CNTN5: variants seen among roughly 807,000 people sequenced by gnomAD.
The protein encoded by CNTN5 is contactin-5.
Under a neutral mutation model 129.1 loss-of-function variants are expected in CNTN5, and 77 were observed. The ratio of observed to expected loss-of-function variants is 0.60; its 90% CI spans 0.50 to 0.72. The LOEUF (loss-of-function observed/expected upper bound fraction) is 0.72, where lower values mean the gene tolerates loss of function less well. Ranked by LOEUF, CNTN5 falls within the 30% of genes least tolerant of loss-of-function variation. The probability of loss-of-function intolerance (pLI) is 0.00; values close to 1 mark genes in which losing one functional copy is unlikely to be tolerated. For missense variants in CNTN5, 1,478 were observed against 1,328.8 expected (o/e 1.11, Z -1.75); for synonymous variants, 509 against 465.6 (o/e 1.09, Z -1.20).
chr11:99,092,639 G>A (rs1261068914), intron 1 of CNTN5, among the ~76,000 whole-genome samples: 1 of 151,934 alleles, frequency 6.6e-6, no homozygotes, highest in East Asian at 1.9e-4. Flanking sequence ...TATGATTTAA[G>A]TATAGAATAC....
At chr11:99,786,935 C>G (rs911309335) in intron 3 of CNTN5, among the ~76,000 whole-genome samples, 1 of 152,110 alleles carries the variant, frequency 6.6e-6, no homozygotes, top group Non-Finnish European at 1.5e-5. Context: ...AATCGATACG[C>G]TATTTGCTAG....
chr11:99,611,261 C>T (rs190868950), intron 3 of CNTN5, among the ~76,000 whole-genome samples: 1 of 152,104 alleles, frequency 6.6e-6, no homozygotes, highest in African/African-American at 2.4e-5. Flanking sequence ...GAATACTCAG[C>T]TACAGCATAG....
chr11:99,308,616 C>A (rs1165163383), intron 1 of CNTN5, among the ~76,000 whole-genome samples: 4 of 152,140 alleles, frequency 2.6e-5, no homozygotes, highest in African/African-American at 4.8e-5. Flanking sequence ...ATTAATAATT[C>A]TCCCAAAAGG....
chr11:99,182,270 A>T (rs974905300), intron 1 of CNTN5, among the ~76,000 whole-genome samples: 4 of 152,200 alleles, frequency 2.6e-5, no homozygotes, highest in Non-Finnish European at 4.4e-5. Flanking sequence ...TAGAGTGTCA[A>T]ATTGAAGTAA....
intron 1 of CNTN5, among the ~76,000 whole-genome samples, chr11:99,078,041 A>T (rs751389878): frequency 6.6e-6 from 1 of 152,174 alleles, no homozygotes; most frequent in Non-Finnish European, 1.5e-5. Context: ...TTTTCATCCT[A>T]TCTTTGCTAA....
chr11:99,773,968 C>G (rs568780543), intron 3 of CNTN5, among the ~76,000 whole-genome samples: 36 of 152,184 alleles, frequency 2.4e-4, no homozygotes, highest in Non-Finnish European at 4.7e-4. Context: ...CTGCTGAATA[C>G]AATTTTCACC....
intron 1 of CNTN5, among the ~76,000 whole-genome samples, chr11:99,086,417 C>G (rs1259478283): frequency 1.3e-5 from 2 of 152,296 alleles, no homozygotes; most frequent in East Asian, 3.9e-4. Context: ...CGCCAGCATC[C>G]ACCTCTGGTG....
At chr11:99,892,247 T>C (rs946644053) in intron 6 of CNTN5, among the ~76,000 whole-genome samples, 4 of 152,200 alleles carry the variant, frequency 2.6e-5, no homozygotes, top group African/African-American at 9.7e-5. Flanking sequence ...GAAGGATAGA[T>C]TGCAAAAATT....
chr11:99,952,004 A>G (rs371830865), intron 7 of CNTN5, among the ~76,000 whole-genome samples: 16 of 152,190 alleles, frequency 1.1e-4, no homozygotes, highest in East Asian at 9.6e-4. Context: ...TAAAGGTATG[A>G]TGGTGAAGAA....
At chr11:99,370,218 A>C in intron 2 of CNTN5, among the ~76,000 whole-genome samples, 1 of 152,212 alleles carries the variant, frequency 6.6e-6, no homozygotes, top group Non-Finnish European at 1.5e-5. Flanking sequence ...TGGAATTGAG[A>C]AGGCTTGGTA....
intron 3 of CNTN5, among the ~76,000 whole-genome samples, chr11:99,576,151 G>A (rs769121920): frequency 3.9e-5 from 6 of 152,166 alleles, no homozygotes; most frequent in Admixed American, 6.5e-5. Context: ...GAAGCACCAC[G>A]GCAAGCCTGA....
At chr11:99,784,901 G>A (rs1008099944) in intron 3 of CNTN5, among the ~76,000 whole-genome samples, 19 of 144,154 alleles carry the variant, frequency 1.3e-4, no homozygotes, top group Middle Eastern at 3.6e-3. Flanking sequence ...CCAGGTTCAC[G>A]CCATTCTTCT....
intron 2 of CNTN5, among the ~76,000 whole-genome samples, chr11:99,473,261 T>C (rs963369665): frequency 2.0e-5 from 3 of 152,162 alleles, no homozygotes; most frequent in African/African-American, 7.2e-5. Context: ...TTAGGATGGA[T>C]TTTCTTTCCT....
At chr11:99,301,792 A>G (rs1320102268) in intron 1 of CNTN5, among the ~76,000 whole-genome samples, 1 of 151,758 alleles carries the variant, frequency 6.6e-6, no homozygotes, top group African/African-American at 2.4e-5. Flanking sequence ...CACTCTTCTT[A>G]ATGTACATGA....
At chr11:99,043,154 G>A (rs948138819) in intron 1 of CNTN5, among the ~76,000 whole-genome samples, 31 of 152,206 alleles carry the variant, frequency 2.0e-4, no homozygotes, top group Middle Eastern at 3.4e-3. Context: ...TTAGAATTTT[G>A]TTAAGAATTA....
chr11:99,798,138 A>G (rs1052194585), intron 3 of CNTN5, among the ~76,000 whole-genome samples: 4 of 151,924 alleles, frequency 2.6e-5, no homozygotes, highest in African/African-American at 9.7e-5. Context: ...AGGCCCTAGT[A>G]TATGTTTTTC....
chr11:99,500,834 G>A (rs547922671), intron 2 of CNTN5, among the ~76,000 whole-genome samples: 9 of 152,050 alleles, frequency 5.9e-5, no homozygotes, highest in Non-Finnish European at 1.2e-4. Context: ...TTGTCAATAA[G>A]TATGTTTATT....
intron 5 of CNTN5, 32 bp downstream of exon 5, chr11:99,845,007 G>A (rs200203837): frequency 6.2e-7 from 1 of 1,610,744 alleles, no homozygotes; most frequent in African/African-American, 1.3e-5. Context: ...TTTTTCTTAA[G>A]CCTTAAAAAC....
At chr11:99,844,681 A>G in intron 4 of CNTN5, 171 bp from the exon 5 acceptor site, 2 of 620,272 alleles carry the variant, frequency 3.2e-6, no homozygotes, top group Non-Finnish European at 5.5e-6. Flanking sequence ...TTGGTTCTTT[A>G]CAATTTAATA....
Sources: gnomAD v4.1 joint callset for allele counts (sites outside exome capture counted in the v4.1 genomes callset) on GRCh38, gnomAD v4.1.1 for gene constraint, MANE v1.5 for transcripts, NCBI Gene and HGNC (gene_info 2026-07-23, HGNC 2026-07-21) for gene names.